Variants in ARID4A observed in about 807,000 individuals in gnomAD.
ARID4A encodes AT-rich interaction domain 4A, also known as AT-rich interactive domain-containing protein 4A.
Under a neutral mutation model 148.6 loss-of-function variants are expected in ARID4A, and 39 were observed. That is an observed-to-expected ratio of 0.26 (90% confidence interval 0.20 to 0.34). The LOEUF is 0.34. Among genes scored for constraint, ARID4A ranks in the 10% least tolerant of loss-of-function variants. ARID4A has a pLI of 1.00. For missense variants in ARID4A, 1,265 were observed against 1,449.1 expected, an observed-to-expected ratio of 0.87 and a Z score of 2.06; for synonymous variants, 475 against 481.2, an observed-to-expected ratio of 0.99 and a Z score of 0.17.
Position 58,320,094 on chromosome 14 carries a change from C to T in ARID4A, c.449+1289C>T, listed in dbSNP as rs558348849. Among the ~76,000 whole-genome samples, 177 of 151,270 alleles carry T rather than the reference C, an allele frequency of 1.2e-3. 2 individuals carry two copies. Among genetic ancestry groups the T allele is most frequent in the African/African-American group, 4.2e-3 (173 of 41,244 alleles). On this transcript the variant is annotated intron_variant, in intron 7 of 23. Transcript: ENST00000355431. ...TCCCGAGTAGTCAGAACTACAGGCG[C>T]GTGCCACCACGCCCAGCTAATTTTT...
chr14:58,317,937 C>A (rs2032578027), intron 5 of ARID4A, among the ~76,000 whole-genome samples: 1 of 151,104 alleles, frequency 6.6e-6, no homozygotes, highest in South Asian at 2.1e-4. Context: ...AGTTTGAGAC[C>A]AACCTGGGTA....
At chr14:58,300,806 GA>G (rs35202471) in intron 2 of ARID4A, among the ~76,000 whole-genome samples, 10,011 of 131,884 alleles carry the variant, frequency 0.076, 417 homozygotes, top group African/African-American at 0.13. Context: ...TTAACTTCCG[GA>G]AAAAAAAAAA....
intron 7 of ARID4A, among the ~76,000 whole-genome samples, chr14:58,322,828 G>A (rs1594894934): frequency 1.3e-5 from 2 of 151,468 alleles, no homozygotes; most frequent in South Asian, 4.2e-4. Flanking sequence ...TAGGTGTGGT[G>A]GCATGCGCCT....
Position 58,366,917 on chromosome 14 carries a change from C to T in ARID4A, c.3558C>T (p.Ile1186=), listed in dbSNP as rs554851754. The T allele has an allele frequency of 3.7e-5, 56 of 1,514,674 alleles. No individual in the cohort carries two copies. In the East Asian group the frequency reaches 1.4e-3, roughly 38 times the overall value. 93.8% of individuals were successfully genotyped at this position (1,514,674 alleles called of 1,614,324 possible). ...ATAATATGAACAGTACAGAGAGAAT[C>T]TCATTTCTCCAAGAAAAACTACAGG... is the stretch of plus-strand genomic sequence containing the variant. The part of the protein sequence containing the change: ...ELDNMNSTER[I]SFLQEKLQEI... Residue 1186 remains isoleucine, a synonymous_variant, in exon 23 of 24, where the codon ATC becomes ATT. Coordinates refer to ENST00000355431, the MANE Select transcript of ARID4A (RefSeq NM_002892.4).
intron 7 of ARID4A, among the ~76,000 whole-genome samples, chr14:58,319,741 C>G (rs1014618985): frequency 6.6e-6 from 1 of 150,382 alleles, no homozygotes; most frequent in African/African-American, 2.4e-5. Context: ...TGAGGTTTCG[C>G]TTTGTTGGCC....
chr14:58,365,407 C>T (rs1383161061), intron 20 of ARID4A, 107 bp downstream of exon 20: 2 of 1,384,198 alleles, frequency 1.4e-6, no homozygotes, highest in Admixed American at 2.6e-5. Context: ...TCTTTTCTCT[C>T]TTCTTTTCTT....
chr14:58,365,703 C>A, intron 21 of ARID4A, 81 bp downstream of exon 21: 3 of 1,205,514 alleles, frequency 2.5e-6, no homozygotes, highest in Non-Finnish European at 3.6e-6. Context: ...ATAAATGGAG[C>A]AATACTATAT....
rs2034612454 is a variant in ARID4A, at chr14:58,350,981, AT to A, written c.1405-90del. On this transcript the variant is annotated intron_variant, in intron 15 of 23. Coordinates refer to ENST00000355431, the MANE Select transcript of ARID4A (RefSeq NM_002892.4). ...CAGGGCCACGTTTCAAGCCAGAGACATTGCTATGAAGGTTAAAGGAAAAGAT... is the reference window on the plus strand; with the variant it reads ...CAGGGCCACGTTTCAAGCCAGAGACATGCTATGAAGGTTAAAGGAAAAGAT... 3.0e-6 allele frequency: 4 copies of A among 1,335,226 alleles called. No individual in the cohort carries two copies. In the African/African-American group the frequency reaches 6.0e-5, roughly 20 times the overall value. 82.7% of individuals were successfully genotyped at this position (1,335,226 alleles called of 1,614,324 possible).
rs2035355108 is a variant in ARID4A, at chr14:58,366,214, A to G, written c.3507A>G (p.Lys1169=). The change falls in exon 22 of 24, where the codon AAA becomes AAG. Residue 1169 remains lysine (K), a synonymous_variant. Transcript: ENST00000355431. ...KHPNSSPRTY[K]WSFQLNELDN... ...CGAATTCATCCCCTAGGACATATAA[A>G]TGGAGCTTTCAGCTCAGTAAGAAGC... 6.2e-7 allele frequency: 1 copy of G among 1,613,264 alleles called. No homozygotes were observed. Among genetic ancestry groups the G allele is most frequent in the Admixed American group, 1.7e-5 (1 of 60,020 alleles).
chr14:58,364,443 A>T lies in ARID4A; in HGVS notation c.2354A>T (p.Glu785Val). The part of the protein sequence containing the change: ...KMEKTEEVKK[E>V]AEKSPKGKGR... ...GAAAAAACAGAAGAAGTTAAGAAAG[A>T]AGCCGAAAAATCTCCAAAAGGAAAG... Residue 785 changes from glutamate (E) to valine (V), a missense_variant, in exon 20 of 24, where the codon GAA (glutamate) becomes GTA (valine). By Grantham distance (121) the Glu-to-Val change is moderately radical. Around this residue, in one of 9 missense-constraint regions of ARID4A, gnomAD observed 666 missense variants for 730.9 expected, o/e 0.91. Coordinates refer to ENST00000355431, the MANE Select transcript of ARID4A (RefSeq NM_002892.4). 1 of 1,613,384 alleles carries T rather than the reference A, an allele frequency of 6.2e-7. No homozygotes were observed. The highest frequency in any genetic ancestry group is 8.5e-7 in the Non-Finnish European group (1 of 1,179,890).
rs1416955312 is a variant in ARID4A, at chr14:58,351,161, C to T, written c.1493C>T (p.Thr498Ile). 6.2e-7 allele frequency: 1 copy of T among 1,609,668 alleles called. No homozygotes were observed. The highest frequency in any genetic ancestry group is 1.7e-5 in the Admixed American group (1 of 59,312). ...KTEDKLKDND[T>I]ENKDVDDDYE... Reference sequence around the variant, plus strand: ...GAAGACAAATTAAAAGATAATGATACAGAAAATAAGGATGTAGATGATGAC... The same window carrying T: ...GAAGACAAATTAAAAGATAATGATATAGAAAATAAGGATGTAGATGATGAC... The change falls in exon 16 of 24, where the codon ACA (threonine) becomes ATA (isoleucine). Residue 498 changes from threonine (T) to isoleucine (I), a missense_variant. Thr to Ile is a moderately conservative substitution (Grantham distance 89). Coordinates refer to ENST00000355431, the MANE Select transcript of ARID4A (RefSeq NM_002892.4).
intron 2 of ARID4A, 83 bp from the exon 3 acceptor site, chr14:58,301,497 C>T: frequency 1.1e-6 from 1 of 916,000 alleles, no homozygotes; most frequent in Non-Finnish European, 1.7e-6. Flanking sequence ...CTTAATGCTT[C>T]AAACACAACC....
chr14:58,300,499 G>A (rs1337413784), intron 2 of ARID4A, among the ~76,000 whole-genome samples: 2 of 152,192 alleles, frequency 1.3e-5, no homozygotes, highest in South Asian at 4.1e-4. Flanking sequence ...ATTTTTGTTT[G>A]CCAAAAGCAT....
At chr14:58,318,506 G>A in intron 5 of ARID4A, 36 bp from the exon 6 acceptor site, 1 of 1,579,870 alleles carries the variant, frequency 6.3e-7, no homozygotes, top group Non-Finnish European at 8.7e-7. Flanking sequence ...TTTCATTAGT[G>A]TGCATAAATT....
At chr14:58,313,380 G>C (rs2032187754) in intron 5 of ARID4A, among the ~76,000 whole-genome samples, 1 of 152,130 alleles carries the variant, frequency 6.6e-6, no homozygotes, top group Admixed American at 6.5e-5. Context: ...ACAACCTATT[G>C]GTAGATCCCT....
At chr14:58,354,312 A>G (rs532529601) in intron 17 of ARID4A, among the ~76,000 whole-genome samples, 2 of 152,344 alleles carry the variant, frequency 1.3e-5, no homozygotes, top group South Asian at 4.1e-4. Flanking sequence ...CAAGCACTGT[A>G]ATAATTCTAA....
At chr14:58,313,269 GTGAGAGACAATTTTTCCA>G (rs1566672641) in intron 5 of ARID4A, among the ~76,000 whole-genome samples, 2 of 152,188 alleles carry the variant, frequency 1.3e-5, no homozygotes. Flanking sequence ...GACCGGTTTC[GTGAGAGACAATTTTTCCA>G]TGGATGGAAG....
At chr14:58,361,097 T>A in intron 19 of ARID4A, 55 bp downstream of exon 19, 1 of 1,531,116 alleles carries the variant, frequency 6.5e-7, no homozygotes, top group Non-Finnish European at 8.8e-7. Flanking sequence ...TCAAATGGAA[T>A]GGAAGGTGCT....
intron 17 of ARID4A, among the ~76,000 whole-genome samples, chr14:58,357,416 C>CATCT (rs1229672783): frequency 6.6e-6 from 1 of 152,130 alleles, no homozygotes; most frequent in East Asian, 1.9e-4. Flanking sequence ...TTACTTTGTA[C>CATCT]ATCTCCATGG....
Sources: allele counts gnomAD v4.1 joint callset (sites outside exome capture counted in the v4.1 genomes callset), GRCh38; gene constraint gnomAD v4.1.1; regional missense constraint gnomAD v4.1.1; transcripts MANE v1.5; gene names NCBI Gene and HGNC (gene_info 2026-07-23, HGNC 2026-07-21).